The following BMPR2 variants were observed in gnomAD, a reference collection of about 807,000 sequenced individuals.
The protein encoded by BMPR2 is bone morphogenetic protein receptor type-2.
In BMPR2, 29 loss-of-function variants were observed where a neutral mutation model predicts 100.8. That is an observed-to-expected ratio of 0.29 (90% CI 0.21 to 0.39). The LOEUF (loss-of-function observed/expected upper bound fraction) is 0.39. Among genes scored for constraint, BMPR2 ranks in the 10% least tolerant of loss-of-function variants. The pLI, the probability that BMPR2 is intolerant of heterozygous loss-of-function variation, is 1.00. For missense variants in BMPR2, 1,011 were observed against 1,274.5 expected (o/e 0.79, Z 3.15); for synonymous variants, 382 against 442.3 (o/e 0.86, Z 1.71).
intron 1 of BMPR2, among the ~76,000 whole-genome samples, chr2:202,392,991 C>CA (rs57464494): frequency 0.098 from 9,320 of 95,454 alleles, 507 homozygotes; most frequent in Middle Eastern, 0.14. Context: ...AACTCCGTCT[C>CA]AAAAAAAAAA....
intron 1 of BMPR2, among the ~76,000 whole-genome samples, chr2:202,447,057 C>T (rs1471301200): frequency 6.7e-6 from 1 of 149,550 alleles, no homozygotes; most frequent in Non-Finnish European, 1.5e-5. Flanking sequence ...CCTGTAATCC[C>T]AGCACTTTGG....
At chr2:202,381,966 G>C (rs147135153) in intron 1 of BMPR2, among the ~76,000 whole-genome samples, 2 of 151,472 alleles carry the variant, frequency 1.3e-5, no homozygotes, top group East Asian at 3.9e-4. Flanking sequence ...AGTGGAATCT[G>C]TGTGAATCAG....
chr2:202,546,056 A>C (rs1253978996), intron 10 of BMPR2, among the ~76,000 whole-genome samples: 1 of 152,196 alleles, frequency 6.6e-6, no homozygotes, highest in Non-Finnish European at 1.5e-5. Context: ...TGAGATATGC[A>C]TCATATGCAT....
chr2:202,501,437 C>T (rs972847150), intron 3 of BMPR2, among the ~76,000 whole-genome samples: 4 of 152,144 alleles, frequency 2.6e-5, no homozygotes, highest in Admixed American at 1.3e-4. Flanking sequence ...GGCTCTAGTA[C>T]AAGCTCCAGC....
rs896054804 is a variant in BMPR2, at chr2:202,495,299, G to A, written c.419-18420G>A. ...CTCTCAGCAGATGGGGGAACCAGAA[G>A]GGAGATGGTTTTCTCCTGGAGTTGG... On this transcript the variant is annotated intron_variant, in intron 3 of 12. Transcript: ENST00000374580. This position sits in a 1 kb window ranked among gnomAD's most constrained non-coding sequence, Gnocchi z 4.5. 1.6e-4 allele frequency among the ~76,000 whole-genome samples: 25 copies of A among 152,326 alleles called. No individual in the cohort carries two copies. The highest frequency in any genetic ancestry group is 4.8e-4 in the African/African-American group (20 of 41,568).
At chr2:202,478,737 C>G (rs943056102) in intron 3 of BMPR2, among the ~76,000 whole-genome samples, 7 of 152,086 alleles carry the variant, frequency 4.6e-5, no homozygotes, top group African/African-American at 1.4e-4. Context: ...TAGCAAAACC[C>G]CGTCTCTACA....
At chr2:202,396,788 A>G (rs1690663648) in intron 1 of BMPR2, among the ~76,000 whole-genome samples, 1 of 17,470 alleles carries the variant, frequency 5.7e-5, no homozygotes, top group African/African-American at 1.3e-4. Flanking sequence ...ATCTTGAGCA[A>G]GAAACTATTT....
chr2:202,476,930 T>TA lies in BMPR2; in HGVS notation c.418+9241_418+9242insA, dbSNP rs766976103. On this transcript the variant is annotated intron_variant, in intron 3 of 12. Transcript: ENST00000374580. ...ATTTTGTATTAGCTGTAATATGAAA[T>TA]TAGCTTAATCAACTGCCAAAAAAAA... Among the ~76,000 whole-genome samples the TA allele has an allele frequency of 1.2e-4, 18 of 148,606 alleles. No homozygotes were observed. In the East Asian group the frequency reaches 1.7e-3, roughly 14 times the overall value.
In BMPR2 at chr2:202,449,631, T is replaced by G. The variant is rs567261351; in HGVS notation, c.77-15178T>G. On this transcript the variant is annotated intron_variant, in intron 1 of 12. Transcript: ENST00000374580. ...TTGGACACTGAGTCTCTAATGAGCT[T>G]CCTTGGTTAAACAACATTTCACACG... Among the ~76,000 whole-genome samples the G allele has an allele frequency of 1.2e-3, 179 of 152,294 alleles. 6 individuals are homozygous for G. The South Asian group carries it at 0.036, about 30-fold the overall frequency.
chr2:202,510,348 C>A (rs918168485), intron 3 of BMPR2, among the ~76,000 whole-genome samples: 35 of 152,080 alleles, frequency 2.3e-4, no homozygotes, highest in African/African-American at 8.2e-4. Context: ...ACCCAGGTGG[C>A]GGAGGTTGCA....
Position 202,560,861 on chromosome 2 carries a change from G to A in BMPR2, c.*915G>A, listed in dbSNP as rs1256486046. ...CCATTTTATTTTATTTTTCTATGTA[G>A]GTTCATGTTCCATGTTCATTTATTT... On this transcript the variant is annotated 3_prime_UTR_variant, in exon 13 of 13. Coordinates refer to ENST00000374580, the MANE Select transcript of BMPR2 (RefSeq NM_001204.7). 1 of 152,072 alleles carries A rather than the reference G, an allele frequency of 6.6e-6. No individual in the cohort carries two copies. Among genetic ancestry groups the A allele is most frequent in the Non-Finnish European group, 1.5e-5 (1 of 67,978 alleles). 9.4% of individuals were successfully genotyped at this position (152,072 alleles called of 1,614,324 possible). A position where few individuals can be genotyped will look rare whatever the true frequency, so the allele number is the denominator to read the frequency against.
intron 9 of BMPR2, among the ~76,000 whole-genome samples, chr2:202,535,051 C>T (rs1688112638): frequency 2.1e-5 from 3 of 145,446 alleles, no homozygotes; most frequent in Non-Finnish European, 4.6e-5. Context: ...CCCCCACCTC[C>T]CTCCCGGACA....
chr2:202,423,952 C>T (rs1045930593), intron 1 of BMPR2, among the ~76,000 whole-genome samples: 2 of 151,622 alleles, frequency 1.3e-5, no homozygotes, highest in African/African-American at 4.8e-5. Flanking sequence ...CCCGTGCAGA[C>T]GTCCCAACTA....
rs538187601 is a variant in BMPR2 at position 202,466,506 on chromosome 2, C to T, written c.248-1013C>T. Among the ~76,000 whole-genome samples, 33 of 152,174 alleles carry T rather than the reference C, an allele frequency of 2.2e-4. 1 individual carries two copies. In the South Asian group the frequency reaches 4.6e-3, roughly 21 times the overall value. On this transcript the variant is annotated intron_variant, in intron 2 of 12. Transcript: ENST00000374580. ...TTTGCCATGTTGGCCAGGGTGGTCT[C>T]GATCTCCTGACCCTCATGATCCGCC...
At chr2:202,476,221 A>T (rs1692548567) in intron 3 of BMPR2, among the ~76,000 whole-genome samples, 1 of 152,010 alleles carries the variant, frequency 6.6e-6, no homozygotes, top group South Asian at 2.1e-4. Context: ...TTATTTCAAC[A>T]ACTGCAATTT....
intron 1 of BMPR2, among the ~76,000 whole-genome samples, chr2:202,387,519 T>C (rs958048620): frequency 3.3e-5 from 5 of 152,326 alleles, no homozygotes. Flanking sequence ...ACTTGGAATC[T>C]TTTAGGCATC....
chr2:202,501,379 A>G (rs1360896245), intron 3 of BMPR2, among the ~76,000 whole-genome samples: 1 of 152,224 alleles, frequency 6.6e-6, no homozygotes, highest in Non-Finnish European at 1.5e-5. Context: ...ATACTCATCT[A>G]GTCGAATGGG....
intron 1 of BMPR2, among the ~76,000 whole-genome samples, chr2:202,432,108 A>C (rs1691517501): frequency 6.6e-6 from 1 of 150,786 alleles, no homozygotes; most frequent in African/African-American, 2.5e-5. Context: ...TATGAAGCAA[A>C]ACAGTACAGC....
At chr2:202,391,766 TTC>T (rs1480686945) in intron 1 of BMPR2, among the ~76,000 whole-genome samples, 7 of 151,716 alleles carry the variant, frequency 4.6e-5, no homozygotes, top group African/African-American at 1.7e-4. Flanking sequence ...CTACACTTTT[TTC>T]TTTTTTTTTT....
Sources: allele counts gnomAD v4.1 joint callset (sites outside exome capture counted in the v4.1 genomes callset), GRCh38; gene constraint gnomAD v4.1.1; non-coding constraint Gnocchi (gnomAD v3.1); transcripts MANE v1.5; gene names NCBI Gene and HGNC (gene_info 2026-07-23, HGNC 2026-07-21).